EIF4E2: variants seen among roughly 807,000 people sequenced by gnomAD.
EIF4E2 encodes eukaryotic translation initiation factor 4E family member 2.
In EIF4E2, 13 loss-of-function variants were observed where a neutral mutation model predicts 34.2. The observed-to-expected ratio is 0.38, with a 90% CI of 0.25 to 0.60. EIF4E2 has a LOEUF of 0.60. Ranked by LOEUF, EIF4E2 falls within the 20% of genes least tolerant of loss-of-function variation. EIF4E2 has a pLI of 0.62. For synonymous variants in EIF4E2, 100 were observed against 106.6 expected (o/e 0.94, Z 0.38); for missense variants, 222 against 315.1 (o/e 0.70, Z 2.24).
At chr2:232,574,431 C>A in intron 6 of EIF4E2, 1 of 1,341,056 alleles carries the variant, frequency 7.5e-7, no homozygotes, top group Non-Finnish European at 1.0e-6. Flanking sequence ...CTTGCCTCTA[C>A]CAACATTGAG....
intron 3 of EIF4E2, chr2:232,558,637 A>G (rs1449178823): frequency 6.8e-5 from 10 of 147,580 alleles, no homozygotes; most frequent in African/African-American, 2.5e-5. Context: ...TTTTAAGTAT[A>G]TATTTATGGA....
At chr2:232,572,208 A>G (rs1464742056), downstream of EIF4E2, among the ~76,000 whole-genome samples, 2 of 152,216 alleles carry the variant, frequency 1.3e-5, no homozygotes, top group Non-Finnish European at 2.9e-5. Context: ...GGAATGCCAG[A>G]TGGAAAATAG....
intron 1 of EIF4E2, among the ~76,000 whole-genome samples, chr2:232,555,350 G>T (rs1692484133): frequency 6.6e-6 from 1 of 152,142 alleles, no homozygotes; most frequent in Non-Finnish European, 1.5e-5. Flanking sequence ...TAAAATAAAT[G>T]GCTTTCTTAT....
intron 6 of EIF4E2, chr2:232,574,245 T>C: frequency 6.4e-7 from 1 of 1,550,506 alleles, no homozygotes; most frequent in Non-Finnish European, 8.7e-7. Flanking sequence ...ATTGTGTTTT[T>C]TGTCTCTGGT....
downstream of EIF4E2, chr2:232,569,882 G>A (rs905650837): frequency 2.0e-5 from 3 of 152,234 alleles, no homozygotes; most frequent in African/African-American, 4.8e-5. Context: ...AGTTTGCTCT[G>A]TAGGATATCT....
At chr2:232,564,146 T>C in intron 3 of EIF4E2, 101 bp from the exon 4 acceptor site, 1 of 698,062 alleles carries the variant, frequency 1.4e-6, no homozygotes, top group South Asian at 2.1e-5. Context: ...TGTAGTATAG[T>C]GTCTTCCATG....
At chr2:232,563,399 T>C (rs1692793615) in intron 3 of EIF4E2, among the ~76,000 whole-genome samples, 2 of 152,074 alleles carry the variant, frequency 1.3e-5, no homozygotes, top group Non-Finnish European at 2.9e-5. Context: ...TTTTTCTTTT[T>C]TTTTAAGGGG....
chr2:232,553,747 A>G (rs1268243097), intron 1 of EIF4E2: 1 of 152,232 alleles, frequency 6.6e-6, no homozygotes, highest in Non-Finnish European at 1.5e-5. Flanking sequence ...AGCACCAGAT[A>G]TAGGTCCATT....
chr2:232,556,723 A>G (rs1692537917), intron 2 of EIF4E2, 193 bp downstream of exon 2: 1 of 542,594 alleles, frequency 1.8e-6, no homozygotes, highest in South Asian at 2.1e-5. Context: ...CTTGCCACAG[A>G]ATCTTGAGAT....
At position 232,581,367 on chromosome 2, in the gene EIF4E2, G is replaced by T. The variant is rs533164697; in HGVS notation, c.*424G>T. ...CATCCAGGAAAAGTGTTCTGTTGGA[G>T]AGTCCCAAAATAGCTGTAAATGCTC... On this transcript the variant is annotated 3_prime_UTR_variant, in exon 7 of 7. Coordinates refer to the EIF4E2 transcript ENST00000409098. This position sits in a 1 kb window ranked among gnomAD's most constrained non-coding sequence, Gnocchi z 5.2. 5.8e-6 allele frequency: 2 copies of T among 346,128 alleles called. No homozygotes were observed. Among genetic ancestry groups the T allele is most frequent in the East Asian group, 1.5e-4 (2 of 12,988 alleles). 21.4% of individuals were successfully genotyped at this position (346,128 alleles called of 1,614,324 possible). A position where few individuals can be genotyped will look rare whatever the true frequency, so the allele number is the denominator to read the frequency against.
At chr2:232,576,006 C>T (rs1284907253) in intron 6 of EIF4E2, among the ~76,000 whole-genome samples, 2 of 152,024 alleles carry the variant, frequency 1.3e-5, no homozygotes, top group Non-Finnish European at 2.9e-5. Context: ...GAGATCGAGA[C>T]CATCCTGGCC....
chr2:232,569,260 C>T (rs113805575), downstream of EIF4E2: 40 of 1,346,640 alleles, frequency 3.0e-5, no homozygotes, highest in African/African-American at 2.6e-4. Context: ...TGTGGCCTTT[C>T]GGACTGACTG....
At chr2:232,568,786 C>T in intron 6 of EIF4E2, 159 bp from the exon 7 acceptor site, 2 of 985,452 alleles carry the variant, frequency 2.0e-6, no homozygotes, top group Middle Eastern at 5.2e-4. Context: ...AAAGACTGGC[C>T]TGCTGCTCTC....
rs1426892437 is a variant in EIF4E2, at chr2:232,567,226, G to C, written c.665+12G>C. On this transcript the variant is annotated intron_variant, in intron 6 of 6. Coordinates refer to ENST00000258416, the MANE Select transcript of EIF4E2 (RefSeq NM_004846.4). ...ACCGACAGCATCAAGTACGTGTTGGGGGGTTATGGGAGGACGTGTCCCTAA... is the reference window on the plus strand; with the variant it reads ...ACCGACAGCATCAAGTACGTGTTGGCGGGTTATGGGAGGACGTGTCCCTAA... The C allele has an allele frequency of 1.2e-6, 2 of 1,613,982 alleles. No homozygotes were observed. The highest frequency in any genetic ancestry group is 1.7e-6 in the Non-Finnish European group (2 of 1,179,984).
intron 4 of EIF4E2, among the ~76,000 whole-genome samples, chr2:232,565,486 T>C (rs545818958): frequency 2.4e-4 from 36 of 151,776 alleles, no homozygotes; most frequent in Non-Finnish European, 4.6e-4. Context: ...ATACAAAAAT[T>C]AGCCAGGTGT....
chr2:232,580,087 CACACACACACACACACA>C lies in EIF4E2; in HGVS notation c.666-816_666-800del, dbSNP rs1310450992. 7.4e-4 allele frequency among the ~76,000 whole-genome samples: 3 copies of C among 4,078 alleles called. No homozygotes were observed. The East Asian group carries it at 0.011, about 15-fold the overall frequency. 2.7% of individuals were successfully genotyped at this position (4,078 alleles called of 152,430 possible). A position where few individuals can be genotyped will look rare whatever the true frequency, so the allele number is the denominator to read the frequency against. ...ATTGGGATCCCCCACATACATACCA[CACACACACACACACACA>C]CACACACACACACACACACACACAC... On this transcript the variant is annotated intron_variant, in intron 6 of 6. Transcript: ENST00000409098.
chr2:232,572,531 A>G (rs1323925115), downstream of EIF4E2, among the ~76,000 whole-genome samples: 1 of 151,758 alleles, frequency 6.6e-6, no homozygotes, highest in Non-Finnish European at 1.5e-5. Context: ...ATGCTTGGCT[A>G]ATTTTTTGTA....
intron 3 of EIF4E2, among the ~76,000 whole-genome samples, chr2:232,560,253 A>T (rs1164080106): frequency 6.6e-6 from 1 of 152,234 alleles, no homozygotes; most frequent in Non-Finnish European, 1.5e-5. Flanking sequence ...CCGGGGAAAG[A>T]ATCGTCTTTT....
chr2:232,559,576 C>A (rs1010510758), intron 3 of EIF4E2, among the ~76,000 whole-genome samples: 1 of 151,916 alleles, frequency 6.6e-6, no homozygotes, highest in Non-Finnish European at 1.5e-5. Flanking sequence ...TTATGATAGC[C>A]CTATGAGGTC....
Sources: allele counts gnomAD v4.1 joint callset (sites outside exome capture counted in the v4.1 genomes callset), GRCh38; gene constraint gnomAD v4.1.1; non-coding constraint Gnocchi (gnomAD v3.1); transcripts MANE v1.5; gene names NCBI Gene and HGNC (gene_info 2026-07-23, HGNC 2026-07-21).